HAS3: variants seen among roughly 807,000 people sequenced by gnomAD.
HAS3 encodes hyaluronan synthase 3, also known as HA synthase 3.
HAS3 carries 27 observed loss-of-function variants against 50.3 expected under a neutral mutation model. That is an observed-to-expected ratio of 0.54 (90% CI 0.40 to 0.74). HAS3 has a LOEUF of 0.74. Among genes scored for constraint, HAS3 ranks in the 30% least tolerant of loss-of-function variants. The pLI is 0.00. For missense variants in HAS3, 517 were observed against 742.8 expected (o/e 0.70, Z 3.53); for synonymous variants, 339 against 310.9 (o/e 1.09, Z -0.95).
At chr16:69,113,916 G>GT (rs1269798535) in intron 3 of HAS3, among the ~76,000 whole-genome samples, 1 of 152,156 alleles carries the variant, frequency 6.6e-6, no homozygotes, top group East Asian at 1.9e-4. Context: ...GGTCAATACG[G>GT]TAAGAATAAG....
At chr16:69,098,246 C>T in the HAS3 span, among the ~76,000 whole-genome samples, 8 of 152,114 alleles carry the variant, frequency 5.3e-5, no homozygotes, top group Non-Finnish European at 1.2e-4. Context: ...TGGCAGGCAC[C>T]TGTAGTCCAA....
At chr16:69,084,032 A>G in the HAS3 span, 1 of 168,104 alleles carries the variant, frequency 5.9e-6, no homozygotes, top group African/African-American at 2.4e-5. Context: ...TTGGCCACCC[A>G]TATGTCACCT....
At chr16:69,086,630 C>T in the HAS3 span, among the ~76,000 whole-genome samples, 252 of 152,046 alleles carry the variant, frequency 1.7e-3, 1 homozygote, top group Non-Finnish European at 2.7e-3. Context: ...AACGGCCGGG[C>T]ACAGTGGCTT....
At chr16:69,112,908 T>C (rs559426967) in intron 2 of HAS3, among the ~76,000 whole-genome samples, 18 of 152,164 alleles carry the variant, frequency 1.2e-4, no homozygotes, top group African/African-American at 4.1e-4. Context: ...AGGGAGTCTG[T>C]TGAGGGCGCA....
chr16:69,104,992 G>GTTTTTTTGT (rs1960749557), upstream of HAS3, among the ~76,000 whole-genome samples: 1 of 81,958 alleles, frequency 1.2e-5, no homozygotes, highest in African/African-American at 4.7e-5. Context: ...CTGTTTTTTG[G>GTTTTTTTGT]TTTTTTTTTT....
In HAS3 at chr16:69,115,799, T is replaced by C. The variant is rs1222265709; in HGVS notation, c.*533T>C. On this transcript the variant is annotated 3_prime_UTR_variant, in exon 4 of 4. Transcript: ENST00000569188. ...ATACAAGGCCCAGAAGCCTGATCTT[T>C]GGGCATCAGAAAACAGGGTCCAGGA... The C allele has an allele frequency of 1.0e-6, 1 of 985,950 alleles. No individual in the cohort carries two copies. Among genetic ancestry groups the C allele is most frequent in the East Asian group, 1.1e-4 (1 of 8,828 alleles). The allele number at this position is 985,950 out of a possible 1,614,324, so 61.1% of individuals were successfully genotyped here.
the HAS3 span, chr16:69,085,183 C>G: frequency 6.6e-6 from 1 of 152,338 alleles, no homozygotes; most frequent in Non-Finnish European, 1.5e-5. Context: ...CTTCCTTTAA[C>G]TAGACTCCAC....
chr16:69,113,321 G>C, intron 2 of HAS3, 120 bp from the exon 3 acceptor site: 1 of 746,350 alleles, frequency 1.3e-6, no homozygotes, highest in Non-Finnish European at 2.5e-6. Context: ...CTAGAGGCTG[G>C]AAGTGAGTCA....
the HAS3 span, among the ~76,000 whole-genome samples, chr16:69,098,516 G>A: frequency 2.0e-5 from 3 of 151,404 alleles, no homozygotes; most frequent in Non-Finnish European, 2.9e-5. Context: ...TAGCTGGGAC[G>A]ACATGCACAT....
upstream of HAS3, among the ~76,000 whole-genome samples, chr16:69,101,843 G>A (rs1960700712): frequency 1.3e-5 from 2 of 151,620 alleles, no homozygotes; most frequent in African/African-American, 2.4e-5. Context: ...CGAGTGCAGT[G>A]GCACGATCTC....
the HAS3 span, among the ~76,000 whole-genome samples, chr16:69,096,599 T>C: frequency 7.2e-6 from 1 of 138,100 alleles, no homozygotes; most frequent in Non-Finnish European, 1.5e-5. Context: ...CTCACACCTG[T>C]AATCCCAACA....
the HAS3 span, among the ~76,000 whole-genome samples, chr16:69,098,972 C>CT: frequency 2.9e-4 from 40 of 139,926 alleles, no homozygotes; most frequent in South Asian, 9.2e-4. Flanking sequence ...TGAACCTGAT[C>CT]TTTTTTTTTT....
At chr16:69,104,269 T>C (rs112618630), upstream of HAS3, among the ~76,000 whole-genome samples, 19,505 of 141,256 alleles carry the variant, frequency 0.14, 1,352 homozygotes, top group South Asian at 0.2. Context: ...GTTTTTTTTT[T>C]TTTTCTTTTC....
At position 69,106,424 on chromosome 16, in the gene HAS3, G is replaced by A. The variant is rs1241502413; in HGVS notation, c.-1+637G>A. ...GCCTCTCGCCGAGCCCCCCGCACCCGGCCAGCTCCCAGCCCTGCGGGCGCC... is the reference window on the plus strand; with the variant it reads ...GCCTCTCGCCGAGCCCCCCGCACCCAGCCAGCTCCCAGCCCTGCGGGCGCC... On this transcript the variant is annotated intron_variant, in intron 1 of 3. Transcript: ENST00000569188. The surrounding 1 kb of genome is among the most constrained non-coding windows in gnomAD (Gnocchi z 5.5). The A allele has an allele frequency of 1.3e-5, 2 of 149,272 alleles. No individual in the cohort carries two copies. The highest frequency in any genetic ancestry group is 3.0e-5 in the Non-Finnish European group (2 of 66,970). The allele number at this position is 149,272 out of a possible 1,614,324, so 9.2% of individuals were successfully genotyped here.
At position 69,115,566 on chromosome 16, in the gene HAS3, G is replaced by A; in HGVS notation, c.*300G>A. On this transcript the variant is annotated 3_prime_UTR_variant, in exon 4 of 4. Transcript: ENST00000569188. ...CCTGGGCTCCAGAGGGCACTCAGAAGTTGTGCTAAACCAAGTTAAGTCCCA... is the reference window on the plus strand; with the variant it reads ...CCTGGGCTCCAGAGGGCACTCAGAAATTGTGCTAAACCAAGTTAAGTCCCA... 9.0e-7 allele frequency: 1 copy of A among 1,110,062 alleles called. No homozygotes were observed. The highest frequency in any genetic ancestry group is 1.1e-6 in the Non-Finnish European group (1 of 909,500). The allele number at this position is 1,110,062 out of a possible 1,614,324, so 68.8% of individuals were successfully genotyped here.
chr16:69,117,273 A>G lies in HAS3; in HGVS notation c.*2007A>G. 1.0e-6 allele frequency: 1 copy of G among 985,876 alleles called. No homozygotes were observed. The highest frequency in any genetic ancestry group is 1.2e-6 in the Non-Finnish European group (1 of 829,906). The allele number at this position is 985,876 out of a possible 1,614,324, so 61.1% of individuals were successfully genotyped here. On this transcript the variant is annotated 3_prime_UTR_variant, in exon 4 of 4. Coordinates refer to ENST00000569188, the MANE Select transcript of HAS3 (RefSeq NM_001199280.2). Reference sequence around the variant, plus strand: ...TTTACTTGAAGATTAATGTAGGATGACAGGCTCTCCTGGCTGTCCTACCAT... The same window carrying G: ...TTTACTTGAAGATTAATGTAGGATGGCAGGCTCTCCTGGCTGTCCTACCAT...
the HAS3 span, among the ~76,000 whole-genome samples, chr16:69,087,064 GCCTCCA>G: frequency 1.3e-5 from 2 of 151,364 alleles, no homozygotes; most frequent in Non-Finnish European, 2.9e-5. Flanking sequence ...TTCTGCTGCC[GCCTCCA>G]CCTGGCTTGC....
At chr16:69,093,691 C>T in the HAS3 span, among the ~76,000 whole-genome samples, 4 of 151,548 alleles carry the variant, frequency 2.6e-5, no homozygotes, top group Non-Finnish European at 4.4e-5. Context: ...CCACCACACC[C>T]GGCTAATTTT....
upstream of HAS3, among the ~76,000 whole-genome samples, chr16:69,101,448 G>C (rs550753123): frequency 2.8e-4 from 43 of 151,806 alleles, no homozygotes; most frequent in African/African-American, 9.2e-4. Context: ...TTACAGGCAT[G>C]TGCCACCACG....
Sources: allele counts gnomAD v4.1 joint callset (sites outside exome capture counted in the v4.1 genomes callset), GRCh38; gene constraint gnomAD v4.1.1; non-coding constraint Gnocchi (gnomAD v3.1); transcripts MANE v1.5; gene names NCBI Gene and HGNC (gene_info 2026-07-23, HGNC 2026-07-21).